The following PKHD1 variants were observed in gnomAD, a reference collection of about 807,000 sequenced individuals.
The protein encoded by PKHD1 is PKHD1 ciliary IPT domain containing fibrocystin/polyductin, also known as fibrocystin.
Under a neutral mutation model 412.0 loss-of-function variants are expected in PKHD1, and 291 were observed. The observed-to-expected ratio is 0.71, with a 90% CI of 0.64 to 0.78. The LOEUF is 0.78. PKHD1 is among the 30% of genes least tolerant of loss of function. PKHD1 has a pLI of 0.00. For synonymous variants in PKHD1, 1,777 were observed against 1,821.5 expected, an observed-to-expected ratio of 0.98 and a Z score of 0.62; for missense variants, 4,825 against 4,950.7, an observed-to-expected ratio of 0.97 and a Z score of 0.76.
chr6:52,059,658 TATACATACATAC>T (rs1808374189), intron 15 of PKHD1, among the ~76,000 whole-genome samples: 1 of 152,138 alleles, frequency 6.6e-6, no homozygotes, highest in South Asian at 2.1e-4. Context: ...TATATACATA[TATACATACATAC>T]ATACATTTTG....
At chr6:51,917,260 C>A (rs1402784803) in intron 37 of PKHD1, among the ~76,000 whole-genome samples, 1 of 151,204 alleles carries the variant, frequency 6.6e-6, no homozygotes, top group Non-Finnish European at 1.5e-5. Flanking sequence ...ATGTTTGCAT[C>A]AGAATAAAGG....
chr6:51,773,687 AAAATTTAAAAATTTTAC>A (rs1291135959), intron 54 of PKHD1, among the ~76,000 whole-genome samples: 5 of 151,690 alleles, frequency 3.3e-5, no homozygotes. Flanking sequence ...CATTAATCTA[AAAATTTAAAAATTTTAC>A]AATTTTCATC....
intron 59 of PKHD1, 23 bp from the exon 60 acceptor site, chr6:51,744,565 A>G: frequency 1.3e-6 from 2 of 1,597,544 alleles, no homozygotes; most frequent in Non-Finnish European, 1.7e-6. Flanking sequence ...TCAAAAAGCA[A>G]CTCTTTCATT....
chr6:51,712,660 C>T (rs1440597150), intron 60 of PKHD1, among the ~76,000 whole-genome samples: 1 of 152,158 alleles, frequency 6.6e-6, no homozygotes, highest in Non-Finnish European at 1.5e-5. Context: ...TGATTCTTAT[C>T]TTTCCTCTGA....
chr6:51,798,378 A>AG (rs1235473535), intron 52 of PKHD1, among the ~76,000 whole-genome samples: 1 of 26,652 alleles, frequency 3.8e-5, no homozygotes, highest in African/African-American at 8.7e-5. Context: ...ACTCCATCTC[A>AG]AAAAAAATAA....
chr6:52,041,481 T>C (rs1251753958), intron 27 of PKHD1, among the ~76,000 whole-genome samples: 3 of 152,178 alleles, frequency 2.0e-5, no homozygotes, highest in African/African-American at 7.2e-5. Context: ...CCAATCAGTG[T>C]TGAGTGAGTG....
At chr6:51,897,873 G>A (rs553053988) in intron 43 of PKHD1, among the ~76,000 whole-genome samples, 1,909 of 151,170 alleles carry the variant, frequency 0.013, 37 homozygotes, top group African/African-American at 0.044. Context: ...CCTAGTCTCT[G>A]ATAAAACAGA....
intron 15 of PKHD1, among the ~76,000 whole-genome samples, chr6:52,058,982 C>T (rs1285943308): frequency 6.6e-6 from 1 of 152,146 alleles, no homozygotes; most frequent in Non-Finnish European, 1.5e-5. Context: ...AATAAACTAG[C>T]AAATCAATTT....
intron 51 of PKHD1, among the ~76,000 whole-genome samples, chr6:51,834,991 G>A (rs1343292845): frequency 6.6e-6 from 1 of 152,162 alleles, no homozygotes. Context: ...ATCCCCATTT[G>A]TAAAATGAGG....
intron 35 of PKHD1, among the ~76,000 whole-genome samples, chr6:51,981,321 C>CTA: frequency 6.1e-5 from 1 of 16,288 alleles, no homozygotes; most frequent in African/African-American, 1.6e-4. Context: ...CTCTCCCTCT[C>CTA]CCTCTCCCTC....
intron 35 of PKHD1, among the ~76,000 whole-genome samples, chr6:51,978,744 G>A (rs6922855): frequency 0.41 from 62,544 of 151,944 alleles, 15,187 homozygotes; most frequent in Admixed American, 0.54. Flanking sequence ...CCAGGCATAC[G>A]TCCTCTTCTT....
At chr6:51,925,738 T>C (rs180679134) in intron 37 of PKHD1, among the ~76,000 whole-genome samples, 7 of 152,262 alleles carry the variant, frequency 4.6e-5, no homozygotes, top group Admixed American at 4.6e-4. Context: ...CTTACGCCTT[T>C]GGACTTGGAC....
chr6:51,623,884 G>A (rs1766930718), intron 66 of PKHD1, among the ~76,000 whole-genome samples: 2 of 152,118 alleles, frequency 1.3e-5, no homozygotes, highest in Non-Finnish European at 2.9e-5. Context: ...ACCATGACTG[G>A]CCAATTTGTT....
intron 32 of PKHD1, among the ~76,000 whole-genome samples, chr6:52,024,361 T>C (rs1470909345): frequency 1.3e-5 from 2 of 152,148 alleles, no homozygotes; most frequent in African/African-American, 4.8e-5. Context: ...ATTTAGAGAA[T>C]ATGCACAGTT....
At chr6:51,665,977 G>A (rs1380705553) in intron 60 of PKHD1, among the ~76,000 whole-genome samples, 2 of 152,104 alleles carry the variant, frequency 1.3e-5, no homozygotes, top group African/African-American at 2.4e-5. Flanking sequence ...TCTGCTGGGA[G>A]GTGTGAGGCA....
intron 60 of PKHD1, among the ~76,000 whole-genome samples, chr6:51,714,172 C>G (rs1266988444): frequency 2.0e-5 from 3 of 152,072 alleles, no homozygotes; most frequent in African/African-American, 7.2e-5. Context: ...GAGTTCGAGA[C>G]CAGCCTGGCC....
At chr6:51,645,977 T>A (rs1213210338) in intron 63 of PKHD1, among the ~76,000 whole-genome samples, 1 of 152,212 alleles carries the variant, frequency 6.6e-6, no homozygotes, top group Non-Finnish European at 1.5e-5. Flanking sequence ...TTAAAAATCA[T>A]TTTTAATCCA....
intron 55 of PKHD1, among the ~76,000 whole-genome samples, chr6:51,771,891 G>A (rs1413188222): frequency 6.6e-6 from 1 of 152,114 alleles, no homozygotes; most frequent in African/African-American, 2.4e-5. Flanking sequence ...TGATGGTGTA[G>A]AGGTGAATGC....
intron 53 of PKHD1, 100 bp downstream of exon 53, chr6:51,791,134 ACT>A: frequency 8.2e-7 from 1 of 1,214,276 alleles, no homozygotes. Context: ...CCCTCCCTAA[ACT>A]CTGTTAAGCA....
Sources: allele counts gnomAD v4.1 joint callset (sites outside exome capture counted in the v4.1 genomes callset), GRCh38; gene constraint gnomAD v4.1.1; transcripts MANE v1.5; gene names NCBI Gene and HGNC (gene_info 2026-07-23, HGNC 2026-07-21).